DEPTOR: variants seen among roughly 807,000 people sequenced by gnomAD.
The protein encoded by DEPTOR is DEP domain-containing mTOR-interacting protein.
Under a neutral mutation model 41.6 loss-of-function variants are expected in DEPTOR, and 41 were observed. The observed-to-expected ratio is 0.98, with a 90% CI of 0.77 to 1.28. The LOEUF (loss-of-function observed/expected upper bound fraction) is 1.28, where lower values mean the gene tolerates loss of function less well. Ranked by LOEUF, DEPTOR falls within the 50% of genes most tolerant of loss-of-function variation. The pLI is 0.00. For synonymous variants in DEPTOR, 195 were observed against 192.3 expected (o/e 1.01, Z -0.12); for missense variants, 514 against 527.9 (o/e 0.97, Z 0.26).
intron 8 of DEPTOR, among the ~76,000 whole-genome samples, chr8:120,029,835 A>G (rs4871032): frequency 0.8 from 120,964 of 152,096 alleles, 48,159 homozygotes; most frequent in African/African-American, 0.83. Context: ...AGAGCAGGGT[A>G]TTAAATGGGC....
rs147314608 is a variant in DEPTOR at position 120,014,889 on chromosome 8, C to T, written c.1101+5756C>T. ...AAACGTTAACGTTGGTTTCATGTCA[C>T]AACCTTGAATGATATAATCTTTTTT... On this transcript the variant is annotated intron_variant, in intron 8 of 8. Coordinates refer to ENST00000286234, the MANE Select transcript of DEPTOR (RefSeq NM_022783.4). 3.2e-3 allele frequency among the ~76,000 whole-genome samples: 433 copies of T among 137,278 alleles called. 3 individuals are homozygous for T. The highest frequency in any genetic ancestry group is 0.015 in the Middle Eastern group (4 of 272). The allele number at this position is 137,278 out of a possible 152,430, so 90.1% of individuals were successfully genotyped here. A position where few individuals can be genotyped will look rare whatever the true frequency, so the allele number is the denominator to read the frequency against.
chr8:120,026,289 G>A (rs552555468), intron 8 of DEPTOR, among the ~76,000 whole-genome samples: 3 of 152,072 alleles, frequency 2.0e-5, no homozygotes, highest in Admixed American at 6.6e-5. Flanking sequence ...CTCACAGCTT[G>A]TTGGTTGGAA....
intron 3 of DEPTOR, among the ~76,000 whole-genome samples, chr8:119,963,352 G>T (rs1472543046): frequency 6.6e-6 from 1 of 150,952 alleles, no homozygotes; most frequent in Non-Finnish European, 1.5e-5. Context: ...ATTGGGTTTT[G>T]TTTTGTTTTT....
intron 4 of DEPTOR, among the ~76,000 whole-genome samples, chr8:119,991,846 T>G (rs576191833): frequency 1.3e-5 from 2 of 152,352 alleles, no homozygotes; most frequent in Admixed American, 6.5e-5. Flanking sequence ...TGAATATTTC[T>G]TCAGTCTTGA....
At chr8:120,035,061 G>T (rs1026585827) in intron 8 of DEPTOR, among the ~76,000 whole-genome samples, 9 of 151,806 alleles carry the variant, frequency 5.9e-5, no homozygotes, top group African/African-American at 2.2e-4. Context: ...CTCATGCCTG[G>T]AATTCTAGCA....
At chr8:119,980,644 A>C (rs1170901967) in intron 4 of DEPTOR, among the ~76,000 whole-genome samples, 1 of 151,428 alleles carries the variant, frequency 6.6e-6, no homozygotes, top group African/African-American at 2.4e-5. Context: ...CAGCCTCCCA[A>C]GCAGCTGGGA....
At chr8:119,931,832 G>A (rs1438446438) in intron 3 of DEPTOR, among the ~76,000 whole-genome samples, 2 of 151,936 alleles carry the variant, frequency 1.3e-5, no homozygotes, top group African/African-American at 2.4e-5. Context: ...CAGGTGTTAG[G>A]TATTTCAATT....
intron 8 of DEPTOR, among the ~76,000 whole-genome samples, chr8:120,019,931 T>C (rs762520443): frequency 2.0e-5 from 3 of 152,142 alleles, no homozygotes; most frequent in Non-Finnish European, 4.4e-5. Context: ...CACTGCTCGT[T>C]ACTGAGGACC....
intron 2 of DEPTOR, among the ~76,000 whole-genome samples, chr8:119,929,137 T>G (rs549042287): frequency 2.5e-4 from 38 of 152,320 alleles, no homozygotes; most frequent in African/African-American, 8.9e-4. Context: ...TTTACATGGT[T>G]TCCAAGTTTT....
At chr8:120,049,185 C>A (rs1811686990) in intron 8 of DEPTOR, among the ~76,000 whole-genome samples, 1 of 151,798 alleles carries the variant, frequency 6.6e-6, no homozygotes, top group South Asian at 2.1e-4. Context: ...CAAGTAGAAA[C>A]TATATATGTC....
At chr8:119,975,870 C>CTTTT (rs34482727) in intron 4 of DEPTOR, among the ~76,000 whole-genome samples, 1 of 65,268 alleles carries the variant, frequency 1.5e-5, no homozygotes, top group Non-Finnish European at 2.7e-5. Flanking sequence ...ATGCTTGCTC[C>CTTTT]TTTTTTTTTT....
intron 8 of DEPTOR, among the ~76,000 whole-genome samples, chr8:120,018,417 A>G (rs781757599): frequency 2.6e-5 from 4 of 152,102 alleles, no homozygotes; most frequent in Non-Finnish European, 5.9e-5. Flanking sequence ...ATCTCTACTA[A>G]CAAATACAAA....
intron 8 of DEPTOR, among the ~76,000 whole-genome samples, chr8:120,020,560 C>G (rs958794533): frequency 6.6e-6 from 1 of 152,158 alleles, no homozygotes; most frequent in African/African-American, 2.4e-5. Flanking sequence ...TTCTTTTCAT[C>G]TGACACATCA....
At chr8:119,881,560 C>T (rs1336650036) in intron 1 of DEPTOR, among the ~76,000 whole-genome samples, 1 of 151,656 alleles carries the variant, frequency 6.6e-6, no homozygotes, top group Non-Finnish European at 1.5e-5. Context: ...TAAAATGGGC[C>T]TTTGAACCAA....
chr8:119,903,696 T>C (rs1234843895), intron 1 of DEPTOR, among the ~76,000 whole-genome samples: 1 of 152,160 alleles, frequency 6.6e-6, no homozygotes, highest in Non-Finnish European at 1.5e-5. Context: ...GACTGACTCC[T>C]CTGGAGACCG....
chr8:120,004,895 C>G (rs1167593667), intron 6 of DEPTOR, among the ~76,000 whole-genome samples: 1 of 151,836 alleles, frequency 6.6e-6, no homozygotes, highest in Non-Finnish European at 1.5e-5. Flanking sequence ...AATTAATTAT[C>G]TGAAATACAC....
chr8:119,888,429 A>C (rs1345843517), intron 1 of DEPTOR, among the ~76,000 whole-genome samples: 4 of 152,326 alleles, frequency 2.6e-5, no homozygotes, highest in South Asian at 2.1e-4. Context: ...ATACATTTTG[A>C]AGCCAAAAGT....
rs760962200 is a variant in DEPTOR, at chr8:119,965,415, G to A, written c.604+5G>A. ...AGCATGGCATCATCCAGCATGGTGAGCGTATTGGGCAGCTTTTGCTGCAGG... is the reference window on the plus strand; with the variant it reads ...AGCATGGCATCATCCAGCATGGTGAACGTATTGGGCAGCTTTTGCTGCAGG... On this transcript the variant is annotated splice_donor_5th_base_variant and intron_variant, in intron 4 of 8. Coordinates refer to ENST00000286234, the MANE Select transcript of DEPTOR (RefSeq NM_022783.4). The A allele has an allele frequency of 7.4e-5, 119 of 1,609,900 alleles. No individual in the cohort carries two copies. The highest frequency in any genetic ancestry group is 9.8e-5 in the Non-Finnish European group (115 of 1,178,316).
intron 3 of DEPTOR, among the ~76,000 whole-genome samples, chr8:119,962,803 T>C (rs1037918846): frequency 6.6e-6 from 1 of 152,150 alleles, no homozygotes; most frequent in Non-Finnish European, 1.5e-5. Context: ...TAGACTAAGG[T>C]AGTGGCAGTG....
Sources: gnomAD v4.1 joint callset for allele counts (sites outside exome capture counted in the v4.1 genomes callset) on GRCh38, gnomAD v4.1.1 for gene constraint, MANE v1.5 for transcripts, NCBI Gene and HGNC (gene_info 2026-07-23, HGNC 2026-07-21) for gene names.